GRID2IP: variants seen among roughly 807,000 people sequenced by gnomAD.
GRID2IP encodes the protein Grid2 interacting protein.
In GRID2IP, 78 loss-of-function variants were observed where a neutral mutation model predicts 114.3. That is an observed-to-expected ratio of 0.68 (90% CI 0.57 to 0.82). The LOEUF (loss-of-function observed/expected upper bound fraction) is 0.82. Among genes scored for constraint, GRID2IP ranks in the 40% least tolerant of loss-of-function variants. GRID2IP has a pLI of 0.00. For synonymous variants in GRID2IP, 809 were observed against 724.0 expected, an observed-to-expected ratio of 1.12 and a Z score of -1.89; for missense variants, 1,727 against 1,678.5, an observed-to-expected ratio of 1.03 and a Z score of -0.51.
In GRID2IP at chr7:6,519,407, A is replaced by G. The variant is rs985952179; in HGVS notation, c.1268+1171T>C. 9.9e-5 allele frequency among the ~76,000 whole-genome samples: 15 copies of G among 152,154 alleles called. No individual in the cohort carries two copies. The highest frequency in any genetic ancestry group is 3.9e-4 in the Admixed American group (6 of 15,242). On this transcript the variant is annotated intron_variant, in intron 7 of 21. Coordinates refer to ENST00000457091, the MANE Select transcript of GRID2IP (RefSeq NM_001145118.2). The surrounding 1 kb of genome is among the most constrained non-coding windows in gnomAD (Gnocchi z 4.1). ...ACTTTGGGACGATCACTTGAGCCCA[A>G]GAGTTCGAGACCAGCCTGGGTAACA... is the stretch of plus-strand genomic sequence containing the variant.
chr7:6,504,986 TAATC>T, intron 14 of GRID2IP, 116 bp from the exon 15 acceptor site: 5 of 792,440 alleles, frequency 6.3e-6, no homozygotes, highest in Non-Finnish European at 8.5e-6. Flanking sequence ...GACCTCGACT[TAATC>T]AGCTACACGT....
At position 6,536,833 on chromosome 7, in the gene GRID2IP, C is replaced by G. The variant is rs1410922748; in HGVS notation, c.584+2885G>C. ...CAAGGGGCTCACCCCTTACTCACCC[C>G]AGGCAGCTCATGGTGGCCTCTTTCG... On this transcript the variant is annotated intron_variant, in intron 2 of 21. Coordinates refer to ENST00000457091, the MANE Select transcript of GRID2IP (RefSeq NM_001145118.2). This position sits in a 1 kb window ranked among gnomAD's most constrained non-coding sequence, Gnocchi z 5.3. The G allele has an allele frequency of 1.9e-5, 13 of 699,262 alleles. No individual in the cohort carries two copies. The highest frequency in any genetic ancestry group is 3.4e-5 in the Non-Finnish European group (13 of 383,204). 43.3% of individuals were successfully genotyped at this position (699,262 alleles called of 1,614,324 possible).
intron 14 of GRID2IP, among the ~76,000 whole-genome samples, chr7:6,505,554 G>T (rs1486029794): frequency 6.6e-6 from 1 of 152,018 alleles, no homozygotes; most frequent in African/African-American, 2.4e-5. Flanking sequence ...TTTCGGTAGA[G>T]ACAAGGGTTT....
At chr7:6,541,056 T>A (rs1440173103) in intron 1 of GRID2IP, among the ~76,000 whole-genome samples, 2 of 151,976 alleles carry the variant, frequency 1.3e-5, no homozygotes, top group Non-Finnish European at 2.9e-5. Context: ...TAATTAAATT[T>A]TTTTTTTCTA....
In GRID2IP at chr7:6,520,698, T is replaced by C; in HGVS notation, c.1148A>G (p.Glu383Gly). The C allele has an allele frequency of 6.4e-7, 1 of 1,551,608 alleles. No homozygotes were observed. Among genetic ancestry groups the C allele is most frequent in the Non-Finnish European group, 8.7e-7 (1 of 1,146,974 alleles). Residue 383 changes from glutamate to glycine, a missense_variant, in exon 7 of 22, where the codon GAG becomes GGG. Glu to Gly is a moderately conservative substitution (Grantham distance 98, BLOSUM62 -2). Transcript: ENST00000457091. This position sits in a 1 kb window ranked among gnomAD's most constrained non-coding sequence, Gnocchi z 4.6. ...GACCCGGATGCTGGACGGCAGGATC[T>C]CCGCCACCCACTGCAGGGAGGTGAG... ...SALTSLQWVAEILPSSIRVQG... is the reference protein window; with the variant it reads ...SALTSLQWVAGILPSSIRVQG...
intron 4 of GRID2IP, among the ~76,000 whole-genome samples, chr7:6,524,523 GAAGA>G (rs1214608071): frequency 6.6e-6 from 1 of 152,122 alleles, no homozygotes; most frequent in East Asian, 2.0e-4. Flanking sequence ...GGAGGGGCAG[GAAGA>G]AAGGGATTCT....
intron 4 of GRID2IP, among the ~76,000 whole-genome samples, chr7:6,525,999 T>A (rs1779503610): frequency 6.6e-6 from 1 of 152,146 alleles, no homozygotes; most frequent in African/African-American, 2.4e-5. Flanking sequence ...GTGCCCCAAC[T>A]CAGGCAGAAG....
chr7:6,509,817 G>T lies in GRID2IP; in HGVS notation c.1771+466C>A, dbSNP rs1043612539. Among the ~76,000 whole-genome samples the T allele has an allele frequency of 2.6e-5, 4 of 152,168 alleles. No homozygotes were observed. The highest frequency in any genetic ancestry group is 4.4e-5 in the Non-Finnish European group (3 of 68,032). ...TAACTCGGGGACTTCCTCAGAATCA[G>T]GCATCTGCCTTCTTTCTTTTTCTTT... On this transcript the variant is annotated intron_variant, in intron 11 of 21. Transcript: ENST00000457091. The surrounding 1 kb of genome is among the most constrained non-coding windows in gnomAD (Gnocchi z 4.9).
At chr7:6,538,972 G>A (rs1779772457) in intron 2 of GRID2IP, among the ~76,000 whole-genome samples, 1 of 152,196 alleles carries the variant, frequency 6.6e-6, no homozygotes, top group Admixed American at 6.6e-5. Flanking sequence ...TTTGTAGGGT[G>A]GAGGTCGAGG....
intron 1 of GRID2IP, among the ~76,000 whole-genome samples, chr7:6,549,217 G>C (rs898741777): frequency 6.6e-6 from 1 of 152,174 alleles, no homozygotes; most frequent in African/African-American, 2.4e-5. Context: ...TAAATGGCAG[G>C]TTCCTGCAAA....
In GRID2IP at chr7:6,503,471, C is replaced by A. The variant is rs758989717; in HGVS notation, c.2907+20G>T. The stretch of plus-strand genomic sequence containing the variant: ...TGTGGAGCCGGCCGAGGCCTCGGGG[C>A]GGGGTTGTGGTCGCGGCACCTGCAG... On this transcript the variant is annotated intron_variant, in intron 16 of 21. Transcript: ENST00000457091. 4.6e-6 allele frequency: 7 copies of A among 1,508,412 alleles called. No homozygotes were observed. The highest frequency in any genetic ancestry group is 1.2e-5 in the South Asian group (1 of 81,524). 93.4% of individuals were successfully genotyped at this position (1,508,412 alleles called of 1,614,324 possible).
chr7:6,530,345 C>T (rs1779594056), intron 2 of GRID2IP, among the ~76,000 whole-genome samples: 1 of 149,888 alleles, frequency 6.7e-6, no homozygotes, highest in African/African-American at 2.5e-5. Flanking sequence ...CTCACTGCAA[C>T]CTCCGCCTCC....
rs1779249707 is a variant in GRID2IP at position 6,514,397 on chromosome 7, G to A, written c.1401C>T (p.Phe467=). The part of the protein sequence containing the change: ...QELCQEKIAC[F]LGYTAMTAEP... Reference sequence around the variant, plus strand: ...TACCTGTCATGGCCGTGTAGCCCAGGAAGCATGCGATTTTCTCCTGACAGA... The same window carrying A: ...TACCTGTCATGGCCGTGTAGCCCAGAAAGCATGCGATTTTCTCCTGACAGA... The change falls in exon 8 of 22, where the codon TTC becomes TTT. Residue 467 remains phenylalanine, a synonymous_variant. Coordinates refer to ENST00000457091, the MANE Select transcript of GRID2IP (RefSeq NM_001145118.2). 1.9e-6 allele frequency: 3 copies of A among 1,538,670 alleles called. No individual in the cohort carries two copies. Among genetic ancestry groups the A allele is most frequent in the Non-Finnish European group, 2.6e-6 (3 of 1,138,984 alleles).
chr7:6,539,693 C>G (rs1779783137), intron 2 of GRID2IP, 25 bp downstream of exon 2: 2 of 1,526,806 alleles, frequency 1.3e-6, no homozygotes, highest in Non-Finnish European at 8.8e-7. Context: ...CCCTGCCTGT[C>G]TATCCTGCCC....
rs1388113005 is a variant in GRID2IP at position 6,519,294 on chromosome 7, A to G, written c.1268+1284T>C. ...AATATACTAAAAACCACTGAATTGT[A>G]TAATTAAATGGCAAATTGTATAGTA... On this transcript the variant is annotated intron_variant, in intron 7 of 21. Coordinates refer to ENST00000457091, the MANE Select transcript of GRID2IP (RefSeq NM_001145118.2). This position sits in a 1 kb window ranked among gnomAD's most constrained non-coding sequence, Gnocchi z 4.1. Among the ~76,000 whole-genome samples, 1 of 152,206 alleles carries G rather than the reference A, an allele frequency of 6.6e-6. No homozygotes were observed. The highest frequency in any genetic ancestry group is 1.5e-5 in the Non-Finnish European group (1 of 68,040).
chr7:6,539,695 A>G (rs779903919), intron 2 of GRID2IP, 23 bp downstream of exon 2: 2 of 1,536,608 alleles, frequency 1.3e-6, no homozygotes, highest in Non-Finnish European at 8.8e-7. Context: ...CTGCCTGTCT[A>G]TCCTGCCCCC....
rs760883403 is a variant in GRID2IP, at chr7:6,514,471, C to G, written c.1327G>C (p.Val443Leu). Residue 443 changes from valine (V) to leucine (L), a missense_variant, in exon 8 of 22, where the codon GTC becomes CTC. Transcript: ENST00000457091. The part of the protein sequence containing the change: ...YPVLDTPAKQ[V>L]LWQFIYQLLT... ...AGCTGGTAGATGAACTGCCACAGGACCTGCTTGGCAGGGGTGTCCAGCACA... is the reference window on the plus strand; with the variant it reads ...AGCTGGTAGATGAACTGCCACAGGAGCTGCTTGGCAGGGGTGTCCAGCACA... The G allele has an allele frequency of 1.3e-6, 2 of 1,549,546 alleles. No homozygotes were observed. Among genetic ancestry groups the G allele is most frequent in the South Asian group, 2.4e-5 (2 of 83,928 alleles).
At chr7:6,510,745 C>A (rs370077395) in intron 9 of GRID2IP, 39 bp from the exon 10 acceptor site, 13 of 1,514,556 alleles carry the variant, frequency 8.6e-6, no homozygotes, top group Non-Finnish European at 1.1e-5. Flanking sequence ...CTGAGCTCTA[C>A]GGCTCAGGCC....
At position 6,526,795 on chromosome 7, in the gene GRID2IP, G is replaced by T; in HGVS notation, c.585-26C>A. On this transcript the variant is annotated intron_variant, in intron 2 of 21. Coordinates refer to ENST00000457091, the MANE Select transcript of GRID2IP (RefSeq NM_001145118.2). The surrounding 1 kb of genome is among the most constrained non-coding windows in gnomAD (Gnocchi z 7.6). ...CTGCCGGCGAGGACGGCGGAGTCGGGGCGCGTTCCCGGACCCCGGATCTCT... is the reference window on the plus strand; with the variant it reads ...CTGCCGGCGAGGACGGCGGAGTCGGTGCGCGTTCCCGGACCCCGGATCTCT... 6.7e-7 allele frequency: 1 copy of T among 1,487,348 alleles called. No homozygotes were observed. The highest frequency in any genetic ancestry group is 1.2e-5 in the South Asian group (1 of 80,016). The allele number at this position is 1,487,348 out of a possible 1,614,324, so 92.1% of individuals were successfully genotyped here.
Sources: allele counts gnomAD v4.1 joint callset (sites outside exome capture counted in the v4.1 genomes callset), GRCh38; gene constraint gnomAD v4.1.1; non-coding constraint Gnocchi (gnomAD v3.1); transcripts MANE v1.5; gene names NCBI Gene and HGNC (gene_info 2026-07-23, HGNC 2026-07-21).